Variants in TTN observed in about 807,000 individuals in gnomAD.
The protein encoded by TTN is connectin.
Under a neutral mutation model 3,223.0 loss-of-function variants are expected in TTN, and 1,525 were observed. The ratio of observed to expected loss-of-function variants is 0.47; its 90% confidence interval spans 0.45 to 0.49. The LOEUF (loss-of-function observed/expected upper bound fraction) is 0.49. TTN is among the 20% of genes least tolerant of loss of function. The pLI is 0.00. For synonymous variants in TTN, 14,094 were observed against 15,161.0 expected (o/e 0.93, Z 5.17); for missense variants, 40,786 against 43,424.0 (o/e 0.94, Z 5.40).
Position 178,527,541 on chromosome 2 carries a change from G to A in TTN, c.107585C>T (p.Ser35862Phe), listed in dbSNP as rs1209195062. ...SAQSMSSMQE[S>F]FVEMSSSSFM... is the part of the protein sequence containing the mutation. ...GCTGCTGGAACTCATTTCTACAAAG[G>A]ACTCTTGCATGGAGGACATGCTTTG... is the stretch of plus-strand genomic sequence containing the variant. The change falls in exon 362 of 363, where the codon TCC (serine) becomes TTC (phenylalanine). Residue 35862 changes from serine to phenylalanine, a missense_variant. Ser to Phe is a radical substitution (Grantham distance 155, BLOSUM62 -2). Transcript: ENST00000589042. 5 of 1,613,964 alleles carry A rather than the reference G, an allele frequency of 3.1e-6. No individual in the cohort carries two copies. The highest frequency in any genetic ancestry group is 1.3e-5 in the African/African-American group (1 of 75,038).
rs115578299 is a variant in TTN, at chr2:178,799,254, A to G, written c.914+233T>C. 4.3e-3 allele frequency: 2,509 copies of G among 586,474 alleles called. 52 individuals carry two copies. Among genetic ancestry groups the G allele is most frequent in the African/African-American group, 0.042 (2,270 of 53,460 alleles). The allele number at this position is 586,474 out of a possible 1,614,324, so 36.3% of individuals were successfully genotyped here. A position where few individuals can be genotyped will look rare whatever the true frequency, so the allele number is the denominator to read the frequency against. On this transcript the variant is annotated intron_variant, in intron 6 of 362. Coordinates refer to ENST00000589042, the MANE Select transcript of TTN (RefSeq NM_001267550.2). ...GCCACGCCCACACCCTATGCCTATA[A>G]AAACCCCTGAGACCCTAGTAGGCAG...
Position 178,671,178 on chromosome 2 carries a change from G to T in TTN, c.35228-8C>A, listed in dbSNP as rs764755926. The T allele has an allele frequency of 3.1e-6, 5 of 1,588,924 alleles. No individual in the cohort carries two copies. Among genetic ancestry groups the T allele is most frequent in the South Asian group, 2.3e-5 (2 of 85,656 alleles). ...TCTCAGATATCTCAGGCCCTTCAAA[G>T]ATATTAGTATTTTGGTTTAGAATGA... On this transcript the variant is annotated splice_polypyrimidine_tract_variant and splice_region_variant and intron_variant, in intron 155 of 362. Transcript: ENST00000589042.
Position 178,775,672 on chromosome 2 carries a change from A to C in TTN, c.6192T>G (p.Phe2064Leu), listed in dbSNP as rs759437501. The C allele has an allele frequency of 1.2e-5, 19 of 1,613,984 alleles. 1 individual carries two copies. The highest frequency in any genetic ancestry group is 1.5e-5 in the Non-Finnish European group (18 of 1,180,004). ...GACTTAGTTCAATCTTGTCAGGTTT[A>C]AAAGTTGGAATCGTGATTTTGCCTT... Reference protein sequence around the residue: ...AEEGKITIPTFKPDKIELSPS... With the variant: ...AEEGKITIPTLKPDKIELSPS... Residue 2064 changes from phenylalanine to leucine, a missense_variant, in exon 28 of 363, where the codon TTT (phenylalanine) becomes TTG (leucine). Coordinates refer to ENST00000589042, the MANE Select transcript of TTN (RefSeq NM_001267550.2).
In TTN at chr2:178,571,662, C is replaced by A; in HGVS notation, c.74470G>T (p.Asp24824Tyr). The part of the protein sequence containing the change: ...GPVKMDEVTA[D>Y]SITLSWGPPK... ...GGGCCCCAGGAAAGAGTAATACTAT[C>A]AGCTGTCACTTCATCCATTTTAACT... The change falls in exon 326 of 363, where the codon GAT (aspartate) becomes TAT (tyrosine). Residue 24824 changes from aspartate to tyrosine, a missense_variant. Asp to Tyr is a radical substitution (Grantham distance 160, BLOSUM62 -3). Transcript: ENST00000589042. The A allele has an allele frequency of 6.2e-7, 1 of 1,613,448 alleles. No homozygotes were observed. Among genetic ancestry groups the A allele is most frequent in the Non-Finnish European group, 8.5e-7 (1 of 1,179,598 alleles).
rs2078474988 is a variant in TTN, at chr2:178,722,116, A to G, written c.22547T>C (p.Phe7516Ser). 6.4e-7 allele frequency: 1 copy of G among 1,567,906 alleles called. No individual in the cohort carries two copies. The highest frequency in any genetic ancestry group is 8.6e-7 in the Non-Finnish European group (1 of 1,158,338). Residue 7516 changes from phenylalanine (F) to serine (S), a missense_variant, in exon 78 of 363, where the codon TTC becomes TCC. Coordinates refer to ENST00000589042, the MANE Select transcript of TTN (RefSeq NM_001267550.2). ...TATAGATACAGGCTTGATGTCAAAGAAGGGAGATTTCTTGGGTTCTGGAGG... is the reference window on the plus strand; with the variant it reads ...TATAGATACAGGCTTGATGTCAAAGGAGGGAGATTTCTTGGGTTCTGGAGG... ...LTAREPKKSP[F>S]FDIKPVSIDV...
At chr2:178,698,254 G>T (rs1482927730) in intron 112 of TTN, among the ~76,000 whole-genome samples, 2 of 144,280 alleles carry the variant, frequency 1.4e-5, no homozygotes, top group African/African-American at 2.7e-5. Context: ...GGGAAATGTT[G>T]GTCAAAGGGT....
At position 178,593,961 on chromosome 2, in the gene TTN, C is replaced by T; in HGVS notation, c.58432G>A (p.Asp19478Asn). The T allele has an allele frequency of 6.2e-7, 1 of 1,613,090 alleles. No individual in the cohort carries two copies. The highest frequency in any genetic ancestry group is 8.5e-7 in the Non-Finnish European group (1 of 1,179,554). ...ATTCTTTCCACTAAATAAGACTTAC[C>T]AACAACATTAACTTGACAGAAACCT... is the stretch of plus-strand genomic sequence containing the variant. Reference protein sequence around the residue: ...RKGFCQVNVVDRPGPPVGPVS... With the variant: ...RKGFCQVNVVNRPGPPVGPVS... The change falls in exon 297 of 363, where the codon GAC becomes AAC. Residue 19478 changes from aspartate (D) to asparagine (N), a missense_variant and splice_region_variant. Transcript: ENST00000589042.
rs1208544617 is a variant in TTN at position 178,735,741 on chromosome 2, T to C, written c.14705A>G (p.Asn4902Ser). The change falls in exon 50 of 363, where the codon AAT becomes AGT. Residue 4902 changes from asparagine (N) to serine (S), a missense_variant. By Grantham distance (46) the Asn-to-Ser change is conservative (BLOSUM62 1). Coordinates refer to ENST00000589042, the MANE Select transcript of TTN (RefSeq NM_001267550.2). ...KELEPVQSAI[N>S]KKVHLECQVD... is the part of the protein sequence containing the mutation. ...TTGGCACTCAAGGTGGACCTTCTTA[T>C]TGATAGCGGACTGCACAGGCTCTAA... 1.2e-6 allele frequency: 2 copies of C among 1,613,720 alleles called. No homozygotes were observed. Among genetic ancestry groups the C allele is most frequent in the Non-Finnish European group, 1.7e-6 (2 of 1,179,814 alleles).
In TTN at chr2:178,739,836, A is replaced by G; in HGVS notation, c.13397T>C (p.Met4466Thr). ...TIIIEDVDPQ[M>T]ANLKMELRDA... ...CCTAAGTTCCATTTTCAGGTTAGCC[A>G]TTTGAGGATCAACATCTTCAATAAT... The change falls in exon 48 of 363, where the codon ATG becomes ACG. Residue 4466 changes from methionine (M) to threonine (T), a missense_variant. Physicochemically the swap from Met to Thr is moderately conservative, Grantham distance 81 (BLOSUM62 -1). Transcript: ENST00000589042. 1 of 1,613,914 alleles carries G rather than the reference A, an allele frequency of 6.2e-7. No individual in the cohort carries two copies. Among genetic ancestry groups the G allele is most frequent in the Non-Finnish European group, 8.5e-7 (1 of 1,179,822 alleles).
At chr2:178,702,708 G>T in intron 106 of TTN, 45 bp from the exon 107 acceptor site, 1 of 1,510,334 alleles carries the variant, frequency 6.6e-7, no homozygotes, top group Non-Finnish European at 8.9e-7. Context: ...ATATAGAGAG[G>T]AATTTCTTTT....
chr2:178,775,175 T>A lies in TTN; in HGVS notation c.6536A>T (p.Glu2179Val). 6.2e-7 allele frequency: 1 copy of A among 1,613,982 alleles called. No homozygotes were observed. Among genetic ancestry groups the A allele is most frequent in the East Asian group, 2.2e-5 (1 of 44,842 alleles). The change falls in exon 29 of 363, where the codon GAA (glutamate) becomes GTA (valine). Residue 2179 changes from glutamate (E) to valine (V), a missense_variant. Coordinates refer to ENST00000589042, the MANE Select transcript of TTN (RefSeq NM_001267550.2). ...QAKQLITFTQ[E>V]LQDVVAKEKD... ...TTCCTTAGCAACAACATCTTGTAAT[T>A]CCTGTGTGAAAGTGATCAATTGCTT... is the stretch of plus-strand genomic sequence containing the variant.
Position 178,546,285 on chromosome 2 carries a change from G to C in TTN, c.95046C>G (p.Asp31682Glu), listed in dbSNP as rs1447931152. Residue 31682 changes from aspartate to glutamate, a missense_variant, in exon 342 of 363, where the codon GAC becomes GAG. By Grantham distance (45) the Asp-to-Glu change is conservative. Coordinates refer to ENST00000589042, the MANE Select transcript of TTN (RefSeq NM_001267550.2). ...TCACTGTTAAAGTGTATTTTCCACTGTCACTTCTGTCACAGAACTTGATCA... is the reference window on the plus strand; with the variant it reads ...TCACTGTTAAAGTGTATTTTCCACTCTCACTTCTGTCACAGAACTTGATCA... ...TAVIKFCDRSDSGKYTLTVKN... is the reference protein window; with the variant it reads ...TAVIKFCDRSESGKYTLTVKN... 1.2e-6 allele frequency: 2 copies of C among 1,613,710 alleles called. No homozygotes were observed. Among genetic ancestry groups the C allele is most frequent in the African/African-American group, 1.3e-5 (1 of 74,916 alleles).
At chr2:178,709,426 G>C (rs1014409881) in intron 99 of TTN, 140 bp downstream of exon 99, 2 of 812,432 alleles carry the variant, frequency 2.5e-6, no homozygotes, top group Non-Finnish European at 3.6e-6. Flanking sequence ...TAAACATATG[G>C]AGTGATAAAT....
Position 178,527,562 on chromosome 2 carries a change from C to A in TTN, c.107564G>T (p.Ser35855Ile), listed in dbSNP as rs1053387515. 1.1e-5 allele frequency: 17 copies of A among 1,613,902 alleles called. No homozygotes were observed. The highest frequency in any genetic ancestry group is 1.4e-5 in the Non-Finnish European group (17 of 1,179,898). The change falls in exon 362 of 363, where the codon AGC (serine) becomes ATC (isoleucine). Residue 35855 changes from serine to isoleucine, a missense_variant. Ser to Ile is a moderately radical substitution (Grantham distance 142, BLOSUM62 -2). Coordinates refer to ENST00000589042, the MANE Select transcript of TTN (RefSeq NM_001267550.2). ...EMKFASMSAQ[S>I]MSSMQESFVE... Reference sequence around the variant, plus strand: ...AAAGGACTCTTGCATGGAGGACATGCTTTGGGCAGACATGCTTGCAAATTT... The same window carrying A: ...AAAGGACTCTTGCATGGAGGACATGATTTGGGCAGACATGCTTGCAAATTT...
Position 178,718,500 on chromosome 2 carries a change from C to T in TTN, c.24606G>A (p.Val8202=). The change falls in exon 85 of 363, where the codon GTG becomes GTA. Residue 8202 remains valine (V), a synonymous_variant. Coordinates refer to ENST00000589042, the MANE Select transcript of TTN (RefSeq NM_001267550.2). ...ATYTGTPPIS[V]SWIKDEYLIS... is the part of the protein sequence containing the mutation. The stretch of plus-strand genomic sequence containing the variant: ...TAAGATACTCGTCCTTTATCCAGCT[C>T]ACTGAGATTGGAGGTGTGCCAGTGT... 4.3e-6 allele frequency: 7 copies of T among 1,613,680 alleles called. No individual in the cohort carries two copies. The highest frequency in any genetic ancestry group is 2.7e-5 in the African/African-American group (2 of 75,010).
At position 178,679,606 on chromosome 2, in the gene TTN, C is replaced by T. The variant is rs754038093; in HGVS notation, c.33657G>A (p.Pro11219=). Residue 11219 remains proline (P), a synonymous_variant, in exon 141 of 363, where the codon CCG becomes CCA. Coordinates refer to ENST00000589042, the MANE Select transcript of TTN (RefSeq NM_001267550.2). Reference sequence around the variant, plus strand: ...CAATGAATGGTGGTGTACCTTTTGCCGGTGGAGCTTCCTTCTTCTTGGGAA... The same window carrying T: ...CAATGAATGGTGGTGTACCTTTTGCTGGTGGAGCTTCCTTCTTCTTGGGAA... The part of the protein sequence containing the change: ...VPVPKKKEAP[P]AKVPEVPKKP... 33 of 1,610,142 alleles carry T rather than the reference C, an allele frequency of 2.0e-5. No individual in the cohort carries two copies. The highest frequency in any genetic ancestry group is 4.4e-5 in the South Asian group (4 of 90,218).
chr2:178,591,339 G>T lies in TTN; in HGVS notation c.60386C>A (p.Thr20129Lys). The T allele has an allele frequency of 6.2e-7, 1 of 1,613,320 alleles. No individual in the cohort carries two copies. Among genetic ancestry groups the T allele is most frequent in the African/African-American group, 1.3e-5 (1 of 74,980 alleles). Reference protein sequence around the residue: ...IKTDEHYTVETDNFSSVLTIK... With the variant: ...IKTDEHYTVEKDNFSSVLTIK... ...GGTAAGTACTGATGAGAAGTTGTCT[G>T]TTTCAACTGTGTAGTGCTCATCGGT... The change falls in exon 304 of 363, where the codon ACA (threonine) becomes AAA (lysine). Residue 20129 changes from threonine to lysine, a missense_variant. Transcript: ENST00000589042.
At chr2:178,614,390 C>A (rs2056913184) in intron 261 of TTN, 42 bp from the exon 262 acceptor site, 4 of 1,577,248 alleles carry the variant, frequency 2.5e-6, no homozygotes, top group South Asian at 1.2e-5. Context: ...AATTGTTCAC[C>A]ATTTTTTTTA....
chr2:178,664,407 CT>C, intron 168 of TTN, 52 bp downstream of exon 168: 1 of 1,400,638 alleles, frequency 7.1e-7, no homozygotes, highest in South Asian at 1.2e-5. Flanking sequence ...AAAGGTGGTC[CT>C]TTCTATCGCC....
Sources: gnomAD v4.1 joint callset for allele counts (sites outside exome capture counted in the v4.1 genomes callset) on GRCh38, gnomAD v4.1.1 for gene constraint, MANE v1.5 for transcripts, NCBI Gene and HGNC (gene_info 2026-07-23, HGNC 2026-07-21) for gene names.